PPIE: variants seen among roughly 807,000 people sequenced by gnomAD.
PPIE encodes the protein peptidyl-prolyl cis-trans isomerase E.
Under a neutral mutation model 38.4 loss-of-function variants are expected in PPIE, and 20 were observed. The ratio of observed to expected loss-of-function variants is 0.52; its 90% CI spans 0.37 to 0.76. The LOEUF (loss-of-function observed/expected upper bound fraction) is 0.76, where lower values mean the gene tolerates loss of function less well. Among genes scored for constraint, PPIE ranks in the 30% least tolerant of loss-of-function variants. The pLI, the probability that PPIE is intolerant of heterozygous loss-of-function variation, is 0.00. For synonymous variants in PPIE, 142 were observed against 135.7 expected (o/e 1.05, Z -0.32); for missense variants, 322 against 385.8 (o/e 0.83, Z 1.39).
downstream of PPIE, chr1:39,759,215 T>C (rs1648624082): frequency 6.6e-6 from 1 of 152,264 alleles, no homozygotes; most frequent in South Asian, 2.1e-4. Flanking sequence ...GCCTAATTAC[T>C]ACTTGTCACT....
chr1:39,760,789 A>T (rs1301733887), downstream of PPIE, among the ~76,000 whole-genome samples: 1 of 152,148 alleles, frequency 6.6e-6, no homozygotes, highest in Non-Finnish European at 1.5e-5. Context: ...GACACATGGC[A>T]GGGGGTGTGC....
At chr1:39,742,928 G>T in intron 4 of PPIE, 1 of 249,910 alleles carries the variant, frequency 4.0e-6, no homozygotes, top group Non-Finnish European at 7.6e-6. Context: ...CTTGACTTTT[G>T]AAGGTGAACT....
At chr1:39,745,690 G>A in intron 7 of PPIE, 192 bp downstream of exon 7, 1 of 761,700 alleles carries the variant, frequency 1.3e-6, no homozygotes, top group Non-Finnish European at 2.0e-6. Context: ...ATAAGTGCTG[G>A]CTTACTGTTT....
At position 39,763,386 on chromosome 1, in the gene PPIE, C is replaced by CCCCTCCCCAGCTGGCCCTCCCCAGCCGG. The variant is rs1557472268; in HGVS notation, c.838-292_838-291insTGGCCCTCCCCAGCCGGCCCTCCCCAGC. The stretch of plus-strand genomic sequence containing the variant: ...CATCCCCCATATCTTCACTTTGCGT[C>CCCCTCCCCAGCTGGCCCTCCCCAGCCGG]CCCTCCCCAGCCGGCCCTCCCCTGC... On this transcript the variant is annotated intron_variant, in intron 9 of 9. Transcript: ENST00000356511. Among the ~76,000 whole-genome samples the CCCCTCCCCAGCTGGCCCTCCCCAGCCGG allele has an allele frequency of 4.4e-5, 6 of 137,340 alleles. 1 individual carries two copies. The highest frequency in any genetic ancestry group is 9.8e-5 in the Non-Finnish European group (6 of 61,510). The allele number at this position is 137,340 out of a possible 152,430, so 90.1% of individuals were successfully genotyped here.
At chr1:39,750,379 C>T (rs1163182417) in intron 8 of PPIE, among the ~76,000 whole-genome samples, 1 of 152,130 alleles carries the variant, frequency 6.6e-6, no homozygotes, top group African/African-American at 2.4e-5. Flanking sequence ...TCCCACCTCC[C>T]AGATGTTATC....
intron 1 of PPIE, chr1:39,739,374 G>A (rs1647002471): frequency 6.0e-6 from 1 of 168,028 alleles, no homozygotes; most frequent in Admixed American, 6.4e-5. Context: ...CGGTAAAGGA[G>A]TATTATGGCC....
chr1:39,744,063 A>G (rs1182955909), intron 6 of PPIE, 139 bp downstream of exon 6: 15 of 596,272 alleles, frequency 2.5e-5, no homozygotes, highest in Non-Finnish European at 3.8e-5. Flanking sequence ...TACTTTGGTA[A>G]AGTCAATATT....
chr1:39,749,523 A>G (rs1479308479), intron 8 of PPIE, among the ~76,000 whole-genome samples: 1 of 151,912 alleles, frequency 6.6e-6, no homozygotes, highest in East Asian at 1.9e-4. Context: ...AGATTTCCCT[A>G]CTTGATGCTC....
Position 39,743,241 on chromosome 1 carries a change from C to G in PPIE, c.227C>G (p.Thr76Arg). The change falls in exon 5 of 10, where the codon ACA (threonine) becomes AGA (arginine). Residue 76 changes from threonine (T) to arginine (R), a missense_variant. By Grantham distance (71) the Thr-to-Arg change is moderately conservative. Coordinates refer to ENST00000324379, the MANE Select transcript of PPIE (RefSeq NM_006112.4). The stretch of plus-strand genomic sequence containing the variant: ...AATGAATCTGAGCTTTTTGGACGTA[C>G]AATTCGTGTCAATTTGGCCAAACCA... ...NMNESELFGRTIRVNLAKPMR... is the reference protein window; with the variant it reads ...NMNESELFGRRIRVNLAKPMR... The G allele has an allele frequency of 4.3e-6, 7 of 1,614,146 alleles. No individual in the cohort carries two copies. Among genetic ancestry groups the G allele is most frequent in the Non-Finnish European group, 5.9e-6 (7 of 1,179,980 alleles).
chr1:39,742,018 G>A, intron 4 of PPIE, 97 bp downstream of exon 4: 1 of 1,298,526 alleles, frequency 7.7e-7, no homozygotes, highest in Non-Finnish European at 1.1e-6. Context: ...AAAGTTACAA[G>A]GTTGCATGGG....
chr1:39,750,135 G>GA lies in PPIE; in HGVS notation c.694+1058dup, dbSNP rs1055262850. On this transcript the variant is annotated intron_variant, in intron 8 of 9. Transcript: ENST00000324379. ...GCAACAAGAGCGAAACTCCGTCTCG[G>GA]AAAAAAAAAAACAAACTTCATCCTT... 3.3e-3 allele frequency among the ~76,000 whole-genome samples: 473 copies of GA among 144,852 alleles called. 2 individuals carry two copies. The highest frequency in any genetic ancestry group is 0.01 in the Middle Eastern group (3 of 292).
chr1:39,739,629 G>A (rs143048667), intron 1 of PPIE, among the ~76,000 whole-genome samples: 1 of 152,296 alleles, frequency 6.6e-6, no homozygotes, highest in Non-Finnish European at 1.5e-5. Context: ...TGCCAGAGCT[G>A]ATGAGCAGGA....
At chr1:39,739,127 C>T (rs1646994579) in intron 1 of PPIE, 196 bp downstream of exon 1, 1 of 508,764 alleles carries the variant, frequency 2.0e-6, no homozygotes, top group Non-Finnish European at 3.1e-6. Flanking sequence ...GGAAAAAGTG[C>T]AGACTTCTTA....
At chr1:39,762,751 G>A in intron 9 of PPIE, 1 of 1,379,074 alleles carries the variant, frequency 7.3e-7, no homozygotes, top group Non-Finnish European at 9.7e-7. Context: ...AGATCACACA[G>A]CCCCCACACA....
At chr1:39,763,667 C>G in intron 9 of PPIE, 1 of 1,570,050 alleles carries the variant, frequency 6.4e-7, no homozygotes, top group Non-Finnish European at 8.7e-7. Context: ...TTCTGATCTA[C>G]AGGTGGTGAT....
intron 8 of PPIE, among the ~76,000 whole-genome samples, chr1:39,750,648 C>G (rs1046518152): frequency 2.0e-5 from 3 of 152,204 alleles, no homozygotes; most frequent in Non-Finnish European, 2.9e-5. Context: ...TAACTCTGTT[C>G]TCCTTGACTC....
chr1:39,758,252 C>T (rs550246202), downstream of PPIE: 50 of 152,292 alleles, frequency 3.3e-4, no homozygotes, highest in African/African-American at 1.2e-3. Context: ...TTTGTTGAGA[C>T]AACAGTTTTG....
Position 39,748,918 on chromosome 1 carries a change from T to C in PPIE, c.524T>C (p.Leu175Pro), listed in dbSNP as rs757897036. ...TCAATTCCAGAGAATTTCCGCTGCC[T>C]GTGCACTCATGAAAAGGGCTTTGGC... ...VPMTAENFRCLCTHEKGFGFK... is the reference protein window; with the variant it reads ...VPMTAENFRCPCTHEKGFGFK... The change falls in exon 8 of 10, where the codon CTG (leucine) becomes CCG (proline). Residue 175 changes from leucine to proline, a missense_variant. By Grantham distance (98) the Leu-to-Pro change is moderately conservative (BLOSUM62 -3). Transcript: ENST00000324379. 1.9e-5 allele frequency: 30 copies of C among 1,614,014 alleles called. No individual in the cohort carries two copies. In the South Asian group the frequency reaches 3.3e-4, roughly 18 times the overall value.
intron 5 of PPIE, 34 bp downstream of exon 5, chr1:39,743,331 G>A: frequency 6.3e-7 from 1 of 1,596,740 alleles, no homozygotes; most frequent in South Asian, 1.1e-5. Flanking sequence ...TCCCTGTGAT[G>A]TTCTGCAGTT....
Sources: allele counts gnomAD v4.1 joint callset (sites outside exome capture counted in the v4.1 genomes callset), GRCh38; gene constraint gnomAD v4.1.1; transcripts MANE v1.5; gene names NCBI Gene and HGNC (gene_info 2026-07-23, HGNC 2026-07-21).